LILRB5: variants seen among roughly 807,000 people sequenced by gnomAD.
The protein encoded by LILRB5 is leukocyte immunoglobulin like receptor B5.
In LILRB5, 61 loss-of-function variants were observed where a neutral mutation model predicts 68.4. The observed-to-expected ratio is 0.89, with a 90% confidence interval of 0.73 to 1.10. The LOEUF is 1.10. Among genes scored for constraint, LILRB5 ranks in the 50% least tolerant of loss-of-function variants. The pLI is 0.00. For synonymous variants in LILRB5, 356 were observed against 315.8 expected, an observed-to-expected ratio of 1.13 and a Z score of -1.35; for missense variants, 771 against 751.6, an observed-to-expected ratio of 1.03 and a Z score of -0.30.
rs1272391881 is a variant in LILRB5 at position 54,255,578 on chromosome 19, C to T, written c.660G>A (p.Val220=). The T allele has an allele frequency of 6.2e-7, 1 of 1,612,730 alleles. No individual in the cohort carries two copies. The highest frequency in any genetic ancestry group is 8.5e-7 in the Non-Finnish European group (1 of 1,179,242). Residue 220 remains valine (V), a synonymous_variant, in exon 5 of 13, where the codon GTG becomes GTA. Coordinates refer to ENST00000449561, the MANE Select transcript of LILRB5 (RefSeq NM_001081442.3). Reference sequence around the variant, plus strand: ...GGATCAGGAGGGAGGGCTTCCTAGACACGCCTGGAGGGAAAGAGGAATTGG... The same window carrying T: ...GGATCAGGAGGGAGGGCTTCCTAGATACGCCTGGAGGGAAAGAGGAATTGG... The part of the protein sequence containing the change: ...SDLLEILVPG[V]SRKPSLLIPQ...
At position 54,257,272 on chromosome 19, in the gene LILRB5, G is replaced by A; in HGVS notation, c.-79C>T. ...GGCAGGACACAAAAACACGCAGAGTGTGGACTGGAGGCTGGGTTCTCCCTG... is the reference window on the plus strand; with the variant it reads ...GGCAGGACACAAAAACACGCAGAGTATGGACTGGAGGCTGGGTTCTCCCTG... On this transcript the variant is annotated 5_prime_UTR_variant, in exon 1 of 13. Coordinates refer to ENST00000449561, the MANE Select transcript of LILRB5 (RefSeq NM_001081442.3). 1 of 1,576,008 alleles carries A rather than the reference G, an allele frequency of 6.3e-7. No individual in the cohort carries two copies. Among genetic ancestry groups the A allele is most frequent in the Admixed American group, 1.7e-5 (1 of 59,748 alleles).
Position 54,255,269 on chromosome 19 carries a change from C to A in LILRB5, c.952+17G>T, listed in dbSNP as rs1176563980. 2 of 1,611,034 alleles carry A rather than the reference C, an allele frequency of 1.2e-6. No homozygotes were observed. The highest frequency in any genetic ancestry group is 1.7e-6 in the Non-Finnish European group (2 of 1,179,018). The stretch of plus-strand genomic sequence containing the variant: ...TGCAGAGCCTGGGTCCCTGACTGAA[C>A]CCGCTGGGCTCCTCACCTGCGATCA... On this transcript the variant is annotated intron_variant, in intron 5 of 12. Coordinates refer to ENST00000449561, the MANE Select transcript of LILRB5 (RefSeq NM_001081442.3).
At position 54,249,523 on chromosome 19, in the gene LILRB5, A is replaced by G. The variant is rs993064422; in HGVS notation, c.*1263T>C. 4 of 152,200 alleles carry G rather than the reference A, an allele frequency of 2.6e-5. No individual in the cohort carries two copies. Among genetic ancestry groups the G allele is most frequent in the African/African-American group, 9.7e-5 (4 of 41,438 alleles). The allele number at this position is 152,200 out of a possible 1,614,324, so 9.4% of individuals were successfully genotyped here. A position where few individuals can be genotyped will look rare whatever the true frequency, so the allele number is the denominator to read the frequency against. On this transcript the variant is annotated 3_prime_UTR_variant, in exon 13 of 13. Coordinates refer to ENST00000449561, the MANE Select transcript of LILRB5 (RefSeq NM_001081442.3). ...ACCAATTATGAAATTAGAAAACAAAACAGAATTTTTTTTAGAGTGTAGCAT... is the reference window on the plus strand; with the variant it reads ...ACCAATTATGAAATTAGAAAACAAAGCAGAATTTTTTTTAGAGTGTAGCAT...
Position 54,250,720 on chromosome 19 carries a change from G to A in LILRB5, c.*66C>T, listed in dbSNP as rs1442883255. The A allele has an allele frequency of 3.1e-6, 5 of 1,602,216 alleles. No individual in the cohort carries two copies. The African/African-American group carries it at 4.0e-5, about 13-fold the overall frequency. On this transcript the variant is annotated 3_prime_UTR_variant, in exon 13 of 13. Coordinates refer to ENST00000449561, the MANE Select transcript of LILRB5 (RefSeq NM_001081442.3). ...GGTTCATTGGTGTCCACTGGGGGCA[G>A]CTCCTGTGCCTTCTGGAGTCTCTGA...
At chr19:54,256,463 G>C (rs1601050061) in intron 3 of LILRB5, 26 bp downstream of exon 3, 2 of 1,612,328 alleles carry the variant, frequency 1.2e-6, no homozygotes, top group Non-Finnish European at 1.7e-6. Context: ...AGAGCCTGGG[G>C]CTGGGACCCC....
Position 54,252,973 on chromosome 19 carries a change from G to C in LILRB5, c.1372C>G (p.Leu458Val), listed in dbSNP as rs373057321. The C allele has an allele frequency of 6.4e-7, 1 of 1,567,588 alleles. No individual in the cohort carries two copies. ...ACTGAGACCCCAGTCACAACCCCCA[G>C]GTGCCTTCCCAGACCTTGAGCGTGA... is the stretch of plus-strand genomic sequence containing the variant. ...LDPQSGLGRH[L>V]GVVTGVSVAF... Residue 458 changes from leucine (L) to valine (V), a missense_variant, in exon 9 of 13, where the codon CTG (leucine) becomes GTG (valine). By Grantham distance (32) the Leu-to-Val change is conservative. Coordinates refer to ENST00000449561, the MANE Select transcript of LILRB5 (RefSeq NM_001081442.3).
At chr19:54,251,060 A>G (rs2078935087) in intron 12 of LILRB5, 128 bp from the exon 13 acceptor site, 1 of 1,590,648 alleles carries the variant, frequency 6.3e-7, no homozygotes, top group African/African-American at 1.3e-5. Flanking sequence ...CTTTGTGTCC[A>G]GGAATTCCCC....
chr19:54,253,048 C>G, intron 8 of LILRB5, 61 bp from the exon 9 acceptor site: 2 of 1,130,866 alleles, frequency 1.8e-6, no homozygotes, highest in South Asian at 1.3e-5. Flanking sequence ...CTTCTGTGTG[C>G]AGGCGCGAGC....
intron 7 of LILRB5, 53 bp downstream of exon 7, chr19:54,254,312 C>A: frequency 6.5e-7 from 1 of 1,536,948 alleles, no homozygotes; most frequent in Middle Eastern, 1.7e-4. Context: ...AGACTCAGGG[C>A]TGCCTGGGGG....
chr19:54,254,750 C>A lies in LILRB5; in HGVS notation c.1240G>T (p.Glu414Ter). The A allele has an allele frequency of 6.2e-7, 1 of 1,613,966 alleles. No homozygotes were observed. The highest frequency in any genetic ancestry group is 1.1e-5 in the South Asian group (1 of 91,078). Residue 414 changes from glutamate to a stop codon, truncating the protein, a stop_gained, in exon 6 of 13, where the codon GAG (glutamate) becomes TAG (stop). Transcript: ENST00000449561. LOFTEE classifies it high-confidence loss of function. ...YLLSSPSYPQ[E>*]LVVSGPSGDP... ...GGGCCCTCACCTGAGACCACGAGCTCCTGGGGGTAACTAGGGCTGGACAGC... is the reference window on the plus strand; with the variant it reads ...GGGCCCTCACCTGAGACCACGAGCTACTGGGGGTAACTAGGGCTGGACAGC...
rs2079021482 is a variant in LILRB5, at chr19:54,253,358, G to A, written c.1358-371C>T. The A allele has an allele frequency of 1.6e-5, 3 of 192,616 alleles. No homozygotes were observed. The South Asian group carries it at 2.8e-4, about 18-fold the overall frequency. The allele number at this position is 192,616 out of a possible 1,614,324, so 11.9% of individuals were successfully genotyped here. A position where few individuals can be genotyped will look rare whatever the true frequency, so the allele number is the denominator to read the frequency against. ...ATCCTCCCTTCCCCAGCACAGCAGG[G>A]CCTGGGAGAGGGAGTGGGTTGTGCA... is the stretch of plus-strand genomic sequence containing the variant. On this transcript the variant is annotated intron_variant, in intron 8 of 12. Transcript: ENST00000449561.
rs1383845015 is a variant in LILRB5 at position 54,249,709 on chromosome 19, A to G, written c.*1077T>C. ...CATTTTATAGAGATGAGGAGAGACT[A>G]ACTAAGGACTAGGGCGCATCCCTTT... On this transcript the variant is annotated 3_prime_UTR_variant, in exon 13 of 13. Transcript: ENST00000449561. The G allele has an allele frequency of 6.6e-6, 1 of 152,208 alleles. No individual in the cohort carries two copies. Among genetic ancestry groups the G allele is most frequent in the Non-Finnish European group, 1.5e-5 (1 of 68,044 alleles). The allele number at this position is 152,208 out of a possible 1,614,324, so 9.4% of individuals were successfully genotyped here.
chr19:54,252,228 T>C, intron 11 of LILRB5, 122 bp from the exon 12 acceptor site: 1 of 1,442,566 alleles, frequency 6.9e-7, no homozygotes, highest in Admixed American at 1.7e-5. Context: ...GTGATGTCCC[T>C]GAGGTCCCAC....
chr19:54,251,822 C>G (rs2078962804), intron 12 of LILRB5: 2 of 715,508 alleles, frequency 2.8e-6, no homozygotes, highest in Admixed American at 4.0e-5. Flanking sequence ...GCTCTAACAA[C>G]CAGACGGCCA....
chr19:54,253,463 G>C, intron 8 of LILRB5: 2 of 237,258 alleles, frequency 8.4e-6, no homozygotes, highest in South Asian at 1.3e-4. Context: ...CTCCCATGCA[G>C]AACCTGTCTG....
rs1322590859 is a variant in LILRB5 at position 54,256,720 on chromosome 19, C to T, written c.124G>A (p.Gly42Arg). ...WAEPASVIAR[G>R]KPVTLWCQGP... ...TGACACCAGAGGGTCACGGGCTTCC[C>T]CCGAGCTATCACAGAGGCTGGCTCA... Residue 42 changes from glycine to arginine, a missense_variant, in exon 3 of 13, where the codon GGG (glycine) becomes AGG (arginine). Transcript: ENST00000449561. 6 of 1,614,010 alleles carry T rather than the reference C, an allele frequency of 3.7e-6. No homozygotes were observed. The highest frequency in any genetic ancestry group is 5.1e-6 in the Non-Finnish European group (6 of 1,180,010).
intron 12 of LILRB5, chr19:54,251,657 G>A (rs556396438): frequency 9.8e-5 from 60 of 610,522 alleles, no homozygotes; most frequent in South Asian, 4.1e-4. Flanking sequence ...CTCAGGAGGC[G>A]GGGGCGGCTT....
chr19:54,254,319 G>C (rs774461065), intron 7 of LILRB5, 46 bp downstream of exon 7: 6 of 1,544,496 alleles, frequency 3.9e-6, no homozygotes, highest in East Asian at 4.8e-5. Flanking sequence ...GGGCTGCCTG[G>C]GGGGAGACCA....
intron 4 of LILRB5, 44 bp downstream of exon 4, chr19:54,255,999 C>T: frequency 6.8e-7 from 1 of 1,463,214 alleles, no homozygotes; most frequent in Non-Finnish European, 9.2e-7. Context: ...AACAACCTAT[C>T]TGGTTCCCCA....
Sources: gnomAD v4.1 joint callset for allele counts on GRCh38, gnomAD v4.1.1 for gene constraint, MANE v1.5 for transcripts, NCBI Gene and HGNC (gene_info 2026-07-23, HGNC 2026-07-21) for gene names.